Variants in UTRN observed in about 807,000 individuals in gnomAD.
UTRN encodes dystrophin-related protein 1.
UTRN carries 283 observed loss-of-function variants against 463.9 expected under a neutral mutation model. That is an observed-to-expected ratio of 0.61 (90% CI 0.55 to 0.67). The LOEUF is 0.67. UTRN is among the 30% of genes least tolerant of loss of function. The pLI is 0.00. For synonymous variants in UTRN, 1,442 were observed against 1,431.5 expected, an observed-to-expected ratio of 1.01 and a Z score of -0.17; for missense variants, 3,922 against 4,084.3, an observed-to-expected ratio of 0.96 and a Z score of 1.08.
At chr6:144,487,135 A>C (rs1792537991) in intron 28 of UTRN, among the ~76,000 whole-genome samples, 1 of 151,908 alleles carries the variant, frequency 6.6e-6, no homozygotes, top group Non-Finnish European at 1.5e-5. Context: ...GCATTTCCCC[A>C]TATAATTAAT....
intron 2 of UTRN, among the ~76,000 whole-genome samples, chr6:144,347,837 G>GTT (rs560581181): frequency 0.038 from 4,830 of 128,214 alleles, 726 homozygotes; most frequent in African/African-American, 0.13. Context: ...CTTATTCTTT[G>GTT]TTTTTTTTTT....
intron 59 of UTRN, among the ~76,000 whole-genome samples, chr6:144,773,019 A>G (rs1255845488): frequency 6.6e-6 from 1 of 151,210 alleles, no homozygotes; most frequent in Non-Finnish European, 1.5e-5. Context: ...CAAAAGTTGG[A>G]CAAACAAAAG....
At chr6:144,837,739 A>G (rs983750688) in intron 71 of UTRN, among the ~76,000 whole-genome samples, 15 of 152,162 alleles carry the variant, frequency 9.9e-5, no homozygotes, top group African/African-American at 3.6e-4. Context: ...AAACAGTGTC[A>G]TTTCTGCCTT....
chr6:144,353,878 CAAAA>C (rs535305415), intron 2 of UTRN, among the ~76,000 whole-genome samples: 3 of 151,850 alleles, frequency 2.0e-5, no homozygotes, highest in Admixed American at 2.0e-4. Flanking sequence ...AAAACAAAAA[CAAAA>C]AAACCAAGGA....
intron 3 of UTRN, among the ~76,000 whole-genome samples, chr6:144,406,941 A>C (rs957284902): frequency 6.6e-6 from 1 of 151,900 alleles, no homozygotes; most frequent in African/African-American, 2.4e-5. Flanking sequence ...GCCTTTGCTT[A>C]CCATCCCGGT....
At chr6:144,555,078 A>T (rs1404391426) in intron 49 of UTRN, among the ~76,000 whole-genome samples, 185 bp downstream of exon 49, 1 of 152,162 alleles carries the variant, frequency 6.6e-6, no homozygotes, top group Non-Finnish European at 1.5e-5. Flanking sequence ...TGGAGGCATA[A>T]CAAGTAAGAA....
intron 51 of UTRN, among the ~76,000 whole-genome samples, chr6:144,676,592 G>A (rs1246792280): frequency 2.6e-5 from 4 of 151,466 alleles, no homozygotes; most frequent in Admixed American, 2.6e-4. Flanking sequence ...TTGTTACATA[G>A]GTATACATGT....
At chr6:144,516,684 C>T (rs1369217580) in intron 38 of UTRN, 127 bp from the exon 39 acceptor site, 4 of 741,738 alleles carry the variant, frequency 5.4e-6, no homozygotes, top group Non-Finnish European at 7.7e-6. Flanking sequence ...ATTTTTTGAT[C>T]GTTCAGGTTA....
intron 54 of UTRN, among the ~76,000 whole-genome samples, chr6:144,737,971 G>A (rs1290852433): frequency 6.6e-6 from 1 of 151,900 alleles, no homozygotes; most frequent in African/African-American, 2.4e-5. Flanking sequence ...GAGTTGAGCC[G>A]ATCATACAGT....
At position 144,510,992 on chromosome 6, in the gene UTRN, A is replaced by G. The variant is rs1483918382; in HGVS notation, c.4813A>G (p.Thr1605Ala). 5.0e-6 allele frequency: 8 copies of G among 1,611,266 alleles called. No individual in the cohort carries two copies. In the East Asian group the frequency reaches 1.8e-4, roughly 36 times the overall value. Residue 1605 changes from threonine to alanine, a missense_variant, in exon 35 of 75, where the codon ACA (threonine) becomes GCA (alanine). Thr to Ala is a moderately conservative substitution (Grantham distance 58). Transcript: ENST00000367545. ...GAGAAAAGCTGATTTAAATACCATC[A>G]CAGAGAGTAGTGCTGCCCTGCAAAA... ...EKRKADLNTITESSAALQNLI... is the reference protein window; with the variant it reads ...EKRKADLNTIAESSAALQNLI...
At chr6:144,768,943 TTTTTG>T (rs1253570462) in intron 58 of UTRN, among the ~76,000 whole-genome samples, 1 of 127,854 alleles carries the variant, frequency 7.8e-6, no homozygotes, top group Non-Finnish European at 1.5e-5. Context: ...GCTACTTTGT[TTTTTG>T]TTTTGTTTTG....
rs9390225 is a variant in UTRN, at chr6:144,790,430, A to G, written c.8920+1151A>G. Among the ~76,000 whole-genome samples, 477 of 152,146 alleles carry G rather than the reference A, an allele frequency of 3.1e-3. 19 individuals are homozygous for G. In the East Asian group the frequency reaches 0.077, roughly 24 times the overall value. On this transcript the variant is annotated intron_variant, in intron 62 of 74. Coordinates refer to ENST00000367545, the MANE Select transcript of UTRN (RefSeq NM_007124.3). ...ACATGCATACATTTTAAAAGCTTTTATTTTCTGGGATTTCTGTGAGGTTAT... is the reference window on the plus strand; with the variant it reads ...ACATGCATACATTTTAAAAGCTTTTGTTTTCTGGGATTTCTGTGAGGTTAT...
chr6:144,567,364 A>G (rs1411532376), intron 50 of UTRN, among the ~76,000 whole-genome samples: 2 of 152,114 alleles, frequency 1.3e-5, no homozygotes, highest in East Asian at 1.9e-4. Flanking sequence ...ATGAAGACCA[A>G]ATATCTGGTA....
chr6:144,304,366 T>C (rs1007825579), intron 2 of UTRN, among the ~76,000 whole-genome samples: 1 of 152,182 alleles, frequency 6.6e-6, no homozygotes, highest in Non-Finnish European at 1.5e-5. Flanking sequence ...CTCTACAACA[T>C]GTTAGGCTTG....
At chr6:144,586,970 T>A (rs1312992428) in intron 51 of UTRN, among the ~76,000 whole-genome samples, 2 of 152,176 alleles carry the variant, frequency 1.3e-5, no homozygotes, top group African/African-American at 4.8e-5. Context: ...TCAGCAAAAA[T>A]CTTTTAAACA....
intron 3 of UTRN, among the ~76,000 whole-genome samples, chr6:144,406,376 T>G (rs1686042765): frequency 9.5e-6 from 1 of 104,924 alleles, no homozygotes; most frequent in Non-Finnish European, 2.1e-5. Context: ...TTTTTTTTTT[T>G]TGAGACACAG....
intron 2 of UTRN, among the ~76,000 whole-genome samples, chr6:144,337,125 ACACACACACAGACT>A (rs1776773085): frequency 6.6e-6 from 1 of 151,642 alleles, no homozygotes; most frequent in Non-Finnish European, 1.5e-5. Context: ...ACACACAGAC[ACACACACACAGACT>A]CACACACAGA....
At chr6:144,322,287 G>C (rs1303902933) in intron 2 of UTRN, among the ~76,000 whole-genome samples, 1 of 151,954 alleles carries the variant, frequency 6.6e-6, no homozygotes, top group Non-Finnish European at 1.5e-5. Flanking sequence ...TATTTTAGTT[G>C]GGTGTTTGTG....
chr6:144,774,390 AATCT>A, intron 60 of UTRN, 26 bp downstream of exon 60: 2 of 1,548,032 alleles, frequency 1.3e-6, no homozygotes, highest in Non-Finnish European at 1.7e-6. Flanking sequence ...AAAGTTAATC[AATCT>A]GTTACTTGAA....
Sources: gnomAD v4.1 joint callset for allele counts (sites outside exome capture counted in the v4.1 genomes callset) on GRCh38, gnomAD v4.1.1 for gene constraint, MANE v1.5 for transcripts, NCBI Gene and HGNC (gene_info 2026-07-23, HGNC 2026-07-21) for gene names.